Variants in SIL1 observed in about 807,000 individuals in gnomAD.
The protein encoded by SIL1 is SIL1 nucleotide exchange factor.
A neutral mutation model predicts 49.1 loss-of-function variants in SIL1; 40 were observed. The ratio of observed to expected loss-of-function variants is 0.81; its 90% confidence interval spans 0.63 to 1.06. The LOEUF (loss-of-function observed/expected upper bound fraction) is 1.06, where lower values mean the gene tolerates loss of function less well. Ranked by LOEUF, SIL1 falls within the 50% of genes least tolerant of loss-of-function variation. The pLI, the probability that SIL1 is intolerant of heterozygous loss-of-function variation, is 0.00. For missense variants in SIL1, 500 were observed against 572.6 expected, an observed-to-expected ratio of 0.87 and a Z score of 1.29; for synonymous variants, 253 against 250.8, an observed-to-expected ratio of 1.01 and a Z score of -0.08.
At chr5:139,111,844 TCCCCACG>T (rs1022509240) in intron 3 of SIL1, among the ~76,000 whole-genome samples, 5 of 152,024 alleles carry the variant, frequency 3.3e-5, no homozygotes, top group Non-Finnish European at 7.4e-5. Context: ...CTCTCCCCAC[TCCCCACG>T]GTCTCCCTCT....
chr5:139,169,135 C>A (rs893129060), intron 1 of SIL1, among the ~76,000 whole-genome samples: 13 of 152,050 alleles, frequency 8.5e-5, no homozygotes, highest in Admixed American at 7.2e-4. Context: ...CCTGATTGGA[C>A]AACATAGCAA....
intron 3 of SIL1, among the ~76,000 whole-genome samples, chr5:139,068,569 C>T (rs1769757348): frequency 6.7e-6 from 1 of 149,536 alleles, no homozygotes; most frequent in Non-Finnish European, 1.5e-5. Flanking sequence ...GCCAGGAAAC[C>T]TCATAAAGCA....
intron 7 of SIL1, among the ~76,000 whole-genome samples, chr5:138,994,842 C>T (rs1429043734): frequency 2.8e-4 from 43 of 152,148 alleles, no homozygotes; most frequent in Admixed American, 2.8e-3. Flanking sequence ...TATCCTGATG[C>T]TCTCCCACCT....
intron 1 of SIL1, among the ~76,000 whole-genome samples, chr5:139,142,008 T>A (rs1230810181): frequency 6.6e-6 from 1 of 152,164 alleles, no homozygotes; most frequent in Non-Finnish European, 1.5e-5. Flanking sequence ...AAAGCCGCAG[T>A]CTTAAAGTCC....
chr5:139,134,866 C>T (rs1750939994), intron 1 of SIL1, among the ~76,000 whole-genome samples: 1 of 152,154 alleles, frequency 6.6e-6, no homozygotes, highest in Non-Finnish European at 1.5e-5. Flanking sequence ...TTATGGGCTG[C>T]ACAAACTCAT....
chr5:138,968,226 C>T (rs2150390080), intron 7 of SIL1, among the ~76,000 whole-genome samples: 1 of 152,230 alleles, frequency 6.6e-6, no homozygotes, highest in African/African-American at 2.4e-5. Context: ...CTTCTGACCA[C>T]AGTGCCTCCA....
At chr5:139,193,017 A>G (rs1752203025) in intron 1 of SIL1, among the ~76,000 whole-genome samples, 2 of 122,188 alleles carry the variant, frequency 1.6e-5, no homozygotes, top group Admixed American at 1.7e-4. Flanking sequence ...AAAAAAAAAA[A>G]AAAAAAAACA....
chr5:139,156,368 C>G (rs1349631889), intron 1 of SIL1, among the ~76,000 whole-genome samples: 1 of 151,476 alleles, frequency 6.6e-6, no homozygotes, highest in African/African-American at 2.4e-5. Flanking sequence ...ATATCAGGTC[C>G]TAATCCCTAG....
At chr5:139,187,725 C>G (rs1752100934) in intron 1 of SIL1, 1 of 152,058 alleles carries the variant, frequency 6.6e-6, no homozygotes, top group Non-Finnish European at 1.5e-5. Context: ...CAACCTGATA[C>G]ATTTGGAATT....
intron 2 of SIL1, among the ~76,000 whole-genome samples, chr5:139,122,879 C>T (rs7724938): frequency 0.17 from 25,556 of 152,132 alleles, 3,258 homozygotes; most frequent in African/African-American, 0.36. Flanking sequence ...TTATGAGAGG[C>T]ACTGACTCCA....
chr5:139,035,050 G>T, intron 5 of SIL1: 1 of 183,718 alleles, frequency 5.4e-6, no homozygotes, highest in Non-Finnish European at 1.1e-5. Context: ...TATGATTGTT[G>T]CCCACATGTA....
At position 139,120,612 on chromosome 5, in the gene SIL1, G is replaced by T. The variant is rs138098411; in HGVS notation, c.244+423C>A. Among the ~76,000 whole-genome samples, 24 of 152,162 alleles carry T rather than the reference G, an allele frequency of 1.6e-4. No individual in the cohort carries two copies. The East Asian group carries it at 4.6e-3, about 29-fold the overall frequency. ...AGGACCAGCCTGTTTCTTGGCACAGGTTCCTTTAACAACAGAATACTCCTG... is the reference window on the plus strand; with the variant it reads ...AGGACCAGCCTGTTTCTTGGCACAGTTTCCTTTAACAACAGAATACTCCTG... On this transcript the variant is annotated intron_variant, in intron 3 of 9. Coordinates refer to ENST00000394817, the MANE Select transcript of SIL1 (RefSeq NM_022464.5).
At chr5:138,999,979 T>C (rs1366802548) in intron 7 of SIL1, among the ~76,000 whole-genome samples, 1 of 152,250 alleles carries the variant, frequency 6.6e-6, no homozygotes, top group Non-Finnish European at 1.5e-5. Context: ...CTAATTGCTC[T>C]GGCCAGAACT....
chr5:138,982,587 G>C (rs1767552295), intron 7 of SIL1, among the ~76,000 whole-genome samples: 1 of 152,188 alleles, frequency 6.6e-6, no homozygotes, highest in South Asian at 2.1e-4. Context: ...GGCTCCAGCA[G>C]GAGCAGGAGA....
At chr5:139,116,612 T>C (rs1048837014) in intron 3 of SIL1, among the ~76,000 whole-genome samples, 1 of 152,360 alleles carries the variant, frequency 6.6e-6, no homozygotes, top group Non-Finnish European at 1.5e-5. Context: ...AAGGTGTATA[T>C]ACATAGATAT....
intron 7 of SIL1, among the ~76,000 whole-genome samples, chr5:138,966,568 C>A (rs1767147447): frequency 6.6e-6 from 1 of 152,120 alleles, no homozygotes; most frequent in African/African-American, 2.4e-5. Context: ...GTAATGCTGT[C>A]TGGTGGGCAC....
At chr5:138,987,152 GCT>G (rs1767665771) in intron 7 of SIL1, among the ~76,000 whole-genome samples, 1 of 146,294 alleles carries the variant, frequency 6.8e-6, no homozygotes, top group Non-Finnish European at 1.5e-5. Context: ...ACAGGGCCTG[GCT>G]CTGTCACCCA....
intron 1 of SIL1, among the ~76,000 whole-genome samples, chr5:139,145,455 C>G (rs1300951601): frequency 6.6e-6 from 1 of 152,128 alleles, no homozygotes; most frequent in African/African-American, 2.4e-5. Context: ...CCATATGACC[C>G]AGCAATTCTT....
At position 138,973,217 on chromosome 5, in the gene SIL1, A is replaced by T. The variant is rs1017492089; in HGVS notation, c.768-21333T>A. ...TGAAGTATTTAAAAAAAAAAAAAAA[A>T]AAAAAAGGTTGTGTAAGAATAAAGT... is the stretch of plus-strand genomic sequence containing the variant. On this transcript the variant is annotated intron_variant, in intron 7 of 9. Transcript: ENST00000394817. Among the ~76,000 whole-genome samples the T allele has an allele frequency of 3.0e-4, 46 of 151,652 alleles. 1 individual carries two copies. The highest frequency in any genetic ancestry group is 2.2e-3 in the Admixed American group (34 of 15,232).
Sources: gnomAD v4.1 joint callset for allele counts (sites outside exome capture counted in the v4.1 genomes callset) on GRCh38, gnomAD v4.1.1 for gene constraint, MANE v1.5 for transcripts, NCBI Gene and HGNC (gene_info 2026-07-23, HGNC 2026-07-21) for gene names.